MTHFSD: variants seen among roughly 807,000 people sequenced by gnomAD.
The protein encoded by MTHFSD is methenyltetrahydrofolate synthase domain-containing protein.
A neutral mutation model predicts 31.1 loss-of-function variants in MTHFSD; 37 were observed. The ratio of observed to expected loss-of-function variants is 1.19; its 90% CI spans 0.91 to 1.56. The LOEUF is 1.56. Ranked by LOEUF, MTHFSD falls within the 40% of genes most tolerant of loss-of-function variation. The pLI is 0.00. For missense variants in MTHFSD, 664 were observed against 510.1 expected (o/e 1.30, Z -2.91); for synonymous variants, 221 against 206.9 (o/e 1.07, Z -0.59).
chr16:86,547,063 A>C, intron 4 of MTHFSD: 2 of 695,510 alleles, frequency 2.9e-6, no homozygotes, highest in Admixed American at 5.4e-5. Flanking sequence ...TAAGACAGGG[A>C]CACCACCCTC....
chr16:86,539,820 A>G (rs1971235535), intron 7 of MTHFSD, among the ~76,000 whole-genome samples: 1 of 152,146 alleles, frequency 6.6e-6, no homozygotes, highest in Non-Finnish European at 1.5e-5. Flanking sequence ...ATGGGTGAAG[A>G]AAAGGCAGTT....
intron 2 of MTHFSD, among the ~76,000 whole-genome samples, chr16:86,552,777 C>G (rs1973354155): frequency 6.6e-6 from 1 of 152,152 alleles, no homozygotes; most frequent in African/African-American, 2.4e-5. Context: ...ACAGGACAGT[C>G]TTGGAACCAC....
In MTHFSD at chr16:86,536,796, C is replaced by G. The variant is rs1161393484; in HGVS notation, c.682-4315G>C. Among the ~76,000 whole-genome samples, 6 of 152,378 alleles carry G rather than the reference C, an allele frequency of 3.9e-5. No individual in the cohort carries two copies. The South Asian group carries it at 1.0e-3, about 26-fold the overall frequency. The stretch of plus-strand genomic sequence containing the variant: ...CCGCGGGAGTGGCTGCCTCCCTCCC[C>G]CTGCTCCGCACAGAGTCCTGCATGG... On this transcript the variant is annotated intron_variant, in intron 7 of 7. Transcript: ENST00000360900.
chr16:86,532,148 G>C lies in MTHFSD; in HGVS notation c.1015C>G (p.Gln339Glu). The change falls in exon 8 of 8, where the codon CAG becomes GAG. Residue 339 changes from glutamine to glutamate, a missense_variant. By Grantham distance (29) the Gln-to-Glu change is conservative. Transcript: ENST00000360900. ...LGSVPLRLTW[Q>E]GPRRRAFLHY... ...AGGAAGGCTCTGCGCCGCGGGCCCT[G>C]CCAGGTGAGCCGCAGGGGCACGGAG... The C allele has an allele frequency of 6.4e-7, 1 of 1,562,806 alleles. No homozygotes were observed.
intron 6 of MTHFSD, 132 bp from the exon 7 acceptor site, chr16:86,541,954 CGCTGTA>C: frequency 1.4e-6 from 2 of 1,387,998 alleles, no homozygotes; most frequent in South Asian, 1.3e-5. Flanking sequence ...AAGGCTTAGC[CGCTGTA>C]CCACTAGCAA....
chr16:86,548,402 C>A, intron 4 of MTHFSD, 62 bp downstream of exon 4: 2 of 1,291,356 alleles, frequency 1.5e-6, no homozygotes, highest in South Asian at 2.5e-5. Flanking sequence ...TATGCTAAGT[C>A]GTCAGAAGCC....
intron 2 of MTHFSD, among the ~76,000 whole-genome samples, chr16:86,554,068 A>C (rs913869727): frequency 1.3e-5 from 2 of 152,182 alleles, no homozygotes; most frequent in Non-Finnish European, 2.9e-5. Context: ...GGGTGGGGCC[A>C]GATAAGAGAT....
rs1468130098 is a variant in MTHFSD, at chr16:86,532,261, C to A, written c.902G>T (p.Gly301Val). 3.8e-6 allele frequency: 6 copies of A among 1,567,082 alleles called. No homozygotes were observed. The highest frequency in any genetic ancestry group is 2.7e-5 in the African/African-American group (2 of 73,552). ...GTAAACATCGGCTGCAAGCGGGGCA[C>A]CCTCCCCTGGTGGGGAGCCAGGGGC... ...EAAPGSPPGEGAPLAADVYVG... is the reference protein window; with the variant it reads ...EAAPGSPPGEVAPLAADVYVG... The change falls in exon 8 of 8, where the codon GGT (glycine) becomes GTT (valine). Residue 301 changes from glycine (G) to valine (V), a missense_variant. By Grantham distance (109) the Gly-to-Val change is moderately radical (BLOSUM62 -3). Transcript: ENST00000360900.
At position 86,532,306 on chromosome 16, in the gene MTHFSD, T is replaced by C. The variant is rs1970079813; in HGVS notation, c.857A>G (p.Glu286Gly). 1.3e-6 allele frequency: 2 copies of C among 1,584,620 alleles called. No homozygotes were observed. Among genetic ancestry groups the C allele is most frequent in the African/African-American group, 1.4e-5 (1 of 73,796 alleles). The change falls in exon 8 of 8, where the codon GAA (glutamate) becomes GGA (glycine). Residue 286 changes from glutamate (E) to glycine (G), a missense_variant. Transcript: ENST00000360900. ...GRRPPDTPGP[E>G]TNSMEAAPGS... ...AGGGGCTGCCTCCATGGAATTGGTT[T>C]CTGGTCCGGGTGTGTCCGGGGGCCT...
intron 7 of MTHFSD, among the ~76,000 whole-genome samples, chr16:86,540,459 G>A (rs1023001884): frequency 1.3e-5 from 2 of 152,206 alleles, no homozygotes; most frequent in Non-Finnish European, 1.5e-5. Flanking sequence ...AATGTAACCA[G>A]GCTGTTCCTA....
At chr16:86,547,435 T>A in intron 4 of MTHFSD, 1 of 985,956 alleles carries the variant, frequency 1.0e-6, no homozygotes, top group Non-Finnish European at 1.2e-6. Context: ...AAGTTCCGTA[T>A]GGATCAGTGC....
At chr16:86,541,976 G>A (rs1364571026) in intron 6 of MTHFSD, 125 bp downstream of exon 6, 2 of 1,350,108 alleles carry the variant, frequency 1.5e-6, no homozygotes, top group East Asian at 2.3e-5. Flanking sequence ...AGCAAGTCCA[G>A]CCCTGGCTGA....
rs1045965809 is a variant in MTHFSD, at chr16:86,530,964, G to C, written c.*1047C>G. 1 of 152,234 alleles carries C rather than the reference G, an allele frequency of 6.6e-6. No homozygotes were observed. The highest frequency in any genetic ancestry group is 2.4e-5 in the African/African-American group (1 of 41,458). 9.4% of individuals were successfully genotyped at this position (152,234 alleles called of 1,614,324 possible). A position where few individuals can be genotyped will look rare whatever the true frequency, so the allele number is the denominator to read the frequency against. The stretch of plus-strand genomic sequence containing the variant: ...ACAGGATTTTCACGGCAAAACCAAT[G>C]AGAAAATGTCCTTTCAAAGAGAAGA... On this transcript the variant is annotated 3_prime_UTR_variant, in exon 8 of 8. Coordinates refer to ENST00000360900, the MANE Select transcript of MTHFSD (RefSeq NM_001159377.2).
At chr16:86,536,425 A>G (rs1057322324) in intron 7 of MTHFSD, among the ~76,000 whole-genome samples, 1 of 152,218 alleles carries the variant, frequency 6.6e-6, no homozygotes, top group African/African-American at 2.4e-5. Flanking sequence ...AACGTGGCTC[A>G]TGGAAAACCC....
chr16:86,545,205 G>T lies in MTHFSD; in HGVS notation c.442+1354C>A, dbSNP rs1348992189. On this transcript the variant is annotated intron_variant, in intron 5 of 7. Coordinates refer to ENST00000360900, the MANE Select transcript of MTHFSD (RefSeq NM_001159377.2). Reference sequence around the variant, plus strand: ...CTGCACATCCTACACATGTATCCCGGAACTTAAAAAAAAAAGATATCTGTG... The same window carrying T: ...CTGCACATCCTACACATGTATCCCGTAACTTAAAAAAAAAAGATATCTGTG... 2.0e-5 allele frequency among the ~76,000 whole-genome samples: 3 copies of T among 151,654 alleles called. No homozygotes were observed. In the East Asian group the frequency reaches 5.8e-4, roughly 29 times the overall value.
chr16:86,552,106 A>T lies in MTHFSD; in HGVS notation c.164T>A (p.Val55Asp), dbSNP rs1379438933. The change falls in exon 3 of 8, where the codon GTT (valine) becomes GAT (aspartate). Residue 55 changes from valine to aspartate, a missense_variant. Physicochemically the swap from Val to Asp is radical, Grantham distance 152 (BLOSUM62 -3). Coordinates refer to ENST00000360900, the MANE Select transcript of MTHFSD (RefSeq NM_001159377.2). ...LACQNIKDLD[V>D]FARTQEVKVD... ...TTTAACTTCCTGTGTTCTGGCAAAAACGTCTAGGTCTTTGATGTTTTGGCA... is the reference window on the plus strand; with the variant it reads ...TTTAACTTCCTGTGTTCTGGCAAAATCGTCTAGGTCTTTGATGTTTTGGCA... 1 of 1,614,122 alleles carries T rather than the reference A, an allele frequency of 6.2e-7. No individual in the cohort carries two copies. Among genetic ancestry groups the T allele is most frequent in the South Asian group, 1.1e-5 (1 of 91,088 alleles).
chr16:86,546,669 T>C lies in MTHFSD; in HGVS notation c.352-20A>G, dbSNP rs572550758. The C allele has an allele frequency of 1.9e-6, 3 of 1,595,102 alleles. No individual in the cohort carries two copies. The highest frequency in any genetic ancestry group is 1.7e-4 in the Middle Eastern group (1 of 6,022). Reference sequence around the variant, plus strand: ...CACACCCTGCACACAGAGATACGGATTGGAAAACTTCAACTCCAGCTGCTT... The same window carrying C: ...CACACCCTGCACACAGAGATACGGACTGGAAAACTTCAACTCCAGCTGCTT... On this transcript the variant is annotated intron_variant, in intron 4 of 7. Transcript: ENST00000360900.
chr16:86,549,907 C>G (rs772193310), intron 3 of MTHFSD, among the ~76,000 whole-genome samples: 1 of 152,238 alleles, frequency 6.6e-6, no homozygotes, highest in Admixed American at 6.5e-5. Flanking sequence ...ATGCCCCCGG[C>G]ACTGCGGACT....
chr16:86,554,257 C>A (rs148055544), intron 2 of MTHFSD, among the ~76,000 whole-genome samples: 3 of 152,198 alleles, frequency 2.0e-5, no homozygotes, highest in Non-Finnish European at 2.9e-5. Flanking sequence ...CAGCAAAGAC[C>A]GTGAACCCAC....
Sources: gnomAD v4.1 joint callset for allele counts (sites outside exome capture counted in the v4.1 genomes callset) on GRCh38, gnomAD v4.1.1 for gene constraint, MANE v1.5 for transcripts, NCBI Gene and HGNC (gene_info 2026-07-23, HGNC 2026-07-21) for gene names.